The following SLC2A4 variants were observed in gnomAD, a reference collection of about 807,000 sequenced individuals.
SLC2A4 encodes solute carrier family 2 member 4, also known as solute carrier family 2, facilitated glucose transporter member 4.
A neutral mutation model predicts 53.3 loss-of-function variants in SLC2A4; 31 were observed. The observed-to-expected ratio is 0.58, with a 90% CI of 0.44 to 0.78. The LOEUF (loss-of-function observed/expected upper bound fraction) is 0.78. Among genes scored for constraint, SLC2A4 ranks in the 30% least tolerant of loss-of-function variants. SLC2A4 has a pLI of 0.00. For missense variants in SLC2A4, 538 were observed against 655.7 expected, an observed-to-expected ratio of 0.82 and a Z score of 1.96; for synonymous variants, 276 against 281.9, an observed-to-expected ratio of 0.98 and a Z score of 0.21.
chr17:7,281,905 C>T lies in SLC2A4; in HGVS notation c.-30C>T, dbSNP rs2072405024. ...AGGATCGGTTCTTTCATCTTCGCCG[C>T]CCCTGCGCGTCCAGCTCTTCTAAGA... On this transcript the variant is annotated 5_prime_UTR_variant, in exon 1 of 11. Transcript: ENST00000317370. 7 of 1,596,512 alleles carry T rather than the reference C, an allele frequency of 4.4e-6. No individual in the cohort carries two copies. Among genetic ancestry groups the T allele is most frequent in the Non-Finnish European group, 6.0e-6 (7 of 1,171,378 alleles).
At position 7,287,115 on chromosome 17, in the gene SLC2A4, GTT is replaced by G. The variant is rs35240617; in HGVS notation, c.*514_*515del. On this transcript the variant is annotated 3_prime_UTR_variant, in exon 11 of 11. Transcript: ENST00000317370. ...TGCCACGCAGACTCTGGGCAAAGGG[GTT>G]TTTTTTTTTTTTTTTTTTTTTTTTT... is the stretch of plus-strand genomic sequence containing the variant. 0.013 allele frequency: 1,293 copies of G among 97,560 alleles called. 43 individuals carry two copies. Among genetic ancestry groups the G allele is most frequent in the African/African-American group, 0.028 (677 of 23,864 alleles). 6.0% of individuals were successfully genotyped at this position (97,560 alleles called of 1,614,324 possible). A position where few individuals can be genotyped will look rare whatever the true frequency, so the allele number is the denominator to read the frequency against.
At position 7,287,115 on chromosome 17, in the gene SLC2A4, G is replaced by GGT. The variant is rs542749322; in HGVS notation, c.*486_*487insGT. 1.0e-5 allele frequency: 1 copy of GGT among 97,696 alleles called. No homozygotes were observed. The highest frequency in any genetic ancestry group is 4.2e-5 in the African/African-American group (1 of 23,918). The allele number at this position is 97,696 out of a possible 1,614,324, so 6.1% of individuals were successfully genotyped here. ...TGCCACGCAGACTCTGGGCAAAGGG[G>GGT]TTTTTTTTTTTTTTTTTTTTTTTTT... On this transcript the variant is annotated 3_prime_UTR_variant, in exon 11 of 11. Transcript: ENST00000317370.
In SLC2A4 at chr17:7,284,200, C is replaced by G; in HGVS notation, c.565-17C>G. On this transcript the variant is annotated splice_polypyrimidine_tract_variant and intron_variant, in intron 5 of 10. Coordinates refer to ENST00000317370, the MANE Select transcript of SLC2A4 (RefSeq NM_001042.3). This position sits in a 1 kb window ranked among gnomAD's most constrained non-coding sequence, Gnocchi z 7.5. ...AGGGCTGAGTGACCTGCCTTCTTTC[C>G]CAACCTTCTCCCACAGGTGCTGGGC... 6.2e-7 allele frequency: 1 copy of G among 1,611,882 alleles called. No homozygotes were observed. The highest frequency in any genetic ancestry group is 1.3e-5 in the African/African-American group (1 of 75,068).
In SLC2A4 at chr17:7,284,463, G is replaced by C; in HGVS notation, c.728-22G>C. On this transcript the variant is annotated intron_variant, in intron 6 of 10. Coordinates refer to ENST00000317370, the MANE Select transcript of SLC2A4 (RefSeq NM_001042.3). The surrounding 1 kb of genome is among the most constrained non-coding windows in gnomAD (Gnocchi z 7.5). ...CCTGGCTTCCTCTCAGGTCCCCTCA[G>C]GCCTGACCTTCCCTTCTCCAGGTCT... is the stretch of plus-strand genomic sequence containing the variant. 1.2e-6 allele frequency: 2 copies of C among 1,614,232 alleles called. No homozygotes were observed. The highest frequency in any genetic ancestry group is 1.7e-6 in the Non-Finnish European group (2 of 1,180,036).
At position 7,282,042 on chromosome 17, in the gene SLC2A4, T is replaced by G; in HGVS notation, c.33+75T>G. 2 of 1,283,964 alleles carry G rather than the reference T, an allele frequency of 1.6e-6. No individual in the cohort carries two copies. Among genetic ancestry groups the G allele is most frequent in the Non-Finnish European group, 2.2e-6 (2 of 900,930 alleles). 79.5% of individuals were successfully genotyped at this position (1,283,964 alleles called of 1,614,324 possible). ...TCTTGGGCTGGGGTCGCGGTTGGGG[T>G]CAGCTGGGGGTGGTTCCTGCGCAGG... On this transcript the variant is annotated intron_variant, in intron 1 of 10. Coordinates refer to ENST00000317370, the MANE Select transcript of SLC2A4 (RefSeq NM_001042.3). The surrounding 1 kb of genome is among the most constrained non-coding windows in gnomAD (Gnocchi z 4.1).
At position 7,284,036 on chromosome 17, in the gene SLC2A4, G is replaced by T. The variant is rs1356474273; in HGVS notation, c.511G>T (p.Ala171Ser). Residue 171 changes from alanine (A) to serine (S), a missense_variant, in exon 5 of 11, where the codon GCC (alanine) becomes TCC (serine). Ala to Ser is a moderately conservative substitution (Grantham distance 99). Transcript: ENST00000317370. This position sits in a 1 kb window ranked among gnomAD's most constrained non-coding sequence, Gnocchi z 7.5. ...GATTGCTCCCACTCACCTGCGGGGC[G>T]CCCTGGGGACGCTCAACCAACTGGC... ...GEIAPTHLRG[A>S]LGTLNQLAIV... The T allele has an allele frequency of 1.2e-6, 2 of 1,613,840 alleles. No individual in the cohort carries two copies. Among genetic ancestry groups the T allele is most frequent in the Non-Finnish European group, 1.7e-6 (2 of 1,179,956 alleles).
At chr17:7,286,339 A>T in intron 10 of SLC2A4, 87 bp from the exon 11 acceptor site, 1 of 1,090,746 alleles carries the variant, frequency 9.2e-7, no homozygotes, top group Non-Finnish European at 1.4e-6. Flanking sequence ...CCAGCTCCCT[A>T]TGAAGGCCTT....
chr17:7,285,947 G>A lies in SLC2A4; in HGVS notation c.1326+39G>A, dbSNP rs2072446411. 6.3e-7 allele frequency: 1 copy of A among 1,581,778 alleles called. No individual in the cohort carries two copies. The highest frequency in any genetic ancestry group is 1.7e-5 in the Admixed American group (1 of 59,016). On this transcript the variant is annotated intron_variant, in intron 10 of 10. Coordinates refer to ENST00000317370, the MANE Select transcript of SLC2A4 (RefSeq NM_001042.3). The surrounding 1 kb of genome is among the most constrained non-coding windows in gnomAD (Gnocchi z 6.0). ...CCCCAGCCTCCCACACCGTAGGCCA[G>A]AGGTGGGCATCACACAGCTAGCCCA...
At position 7,284,822 on chromosome 17, in the gene SLC2A4, C is replaced by T; in HGVS notation, c.916-13C>T. 1.9e-6 allele frequency: 3 copies of T among 1,614,136 alleles called. No homozygotes were observed. Among genetic ancestry groups the T allele is most frequent in the Non-Finnish European group, 2.5e-6 (3 of 1,179,976 alleles). On this transcript the variant is annotated splice_polypyrimidine_tract_variant and intron_variant, in intron 7 of 10. Coordinates refer to ENST00000317370, the MANE Select transcript of SLC2A4 (RefSeq NM_001042.3). This position sits in a 1 kb window ranked among gnomAD's most constrained non-coding sequence, Gnocchi z 7.5. Reference sequence around the variant, plus strand: ...CATTCCTGCCATCACTTCTTCTTCTCCCCCACCTCTAGGTTTTCTATTATT... The same window carrying T: ...CATTCCTGCCATCACTTCTTCTTCTTCCCCACCTCTAGGTTTTCTATTATT...
At position 7,287,523 on chromosome 17, in the gene SLC2A4, T is replaced by C. The variant is rs977104179; in HGVS notation, c.*894T>C. On this transcript the variant is annotated 3_prime_UTR_variant, in exon 11 of 11. Transcript: ENST00000317370. ...GAGGGAACAGGAAAGTATGTGCCCA[T>C]GTGTGGCAAGATGGAAGGACGGCAG... 1 of 152,314 alleles carries C rather than the reference T, an allele frequency of 6.6e-6. No homozygotes were observed. The highest frequency in any genetic ancestry group is 2.4e-5 in the African/African-American group (1 of 41,542). The allele number at this position is 152,314 out of a possible 1,614,324, so 9.4% of individuals were successfully genotyped here. A position where few individuals can be genotyped will look rare whatever the true frequency, so the allele number is the denominator to read the frequency against.
In SLC2A4 at chr17:7,285,697, G is replaced by A; in HGVS notation, c.1123-8G>A. The A allele has an allele frequency of 1.2e-6, 2 of 1,614,068 alleles. No individual in the cohort carries two copies. The highest frequency in any genetic ancestry group is 2.2e-5 in the East Asian group (1 of 44,884). ...CTGGATTCTCCACCCTCCCTGTCTG[G>A]CCCCTAGGAGCGAGTTCCAGCCATG... On this transcript the variant is annotated splice_region_variant and splice_polypyrimidine_tract_variant and intron_variant, in intron 9 of 10. Transcript: ENST00000317370. The surrounding 1 kb of genome is among the most constrained non-coding windows in gnomAD (Gnocchi z 6.0).
At position 7,282,208 on chromosome 17, in the gene SLC2A4, G is replaced by A. The variant is rs2072408274; in HGVS notation, c.33+241G>A. On this transcript the variant is annotated intron_variant, in intron 1 of 10. Transcript: ENST00000317370. The surrounding 1 kb of genome is among the most constrained non-coding windows in gnomAD (Gnocchi z 4.1). ...GGCAGCAAGTGGATTCTGCGAGCCA[G>A]GGTTCACCCCCTTGCCTAGTAGGCG... The A allele has an allele frequency of 3.2e-6, 2 of 622,652 alleles. No individual in the cohort carries two copies. The highest frequency in any genetic ancestry group is 5.9e-6 in the Non-Finnish European group (2 of 340,598). 38.6% of individuals were successfully genotyped at this position (622,652 alleles called of 1,614,324 possible).
rs1295869344 is a variant in SLC2A4, at chr17:7,283,516, G to A, written c.194G>A (p.Gly65Glu). 6.2e-7 allele frequency: 1 copy of A among 1,613,808 alleles called. No individual in the cohort carries two copies. The highest frequency in any genetic ancestry group is 1.3e-5 in the African/African-American group (1 of 74,866). The change falls in exon 3 of 11, where the codon GGG (glycine) becomes GAG (glutamate). Residue 65 changes from glycine to glutamate, a missense_variant. By Grantham distance (98) the Gly-to-Glu change is moderately conservative. Coordinates refer to ENST00000317370, the MANE Select transcript of SLC2A4 (RefSeq NM_001042.3). This position sits in a 1 kb window ranked among gnomAD's most constrained non-coding sequence, Gnocchi z 5.8. Reference protein sequence around the residue: ...SYNETWLGRQGPEGPSSIPPG... With the variant: ...SYNETWLGRQEPEGPSSIPPG... ...AATGAGACGTGGCTGGGGAGGCAGGGGCCTGAGGGACCCAGCTCCATCCCT... is the reference window on the plus strand; with the variant it reads ...AATGAGACGTGGCTGGGGAGGCAGGAGCCTGAGGGACCCAGCTCCATCCCT...
rs142128414 is a variant in SLC2A4 at position 7,285,472 on chromosome 17, G to T, written c.1123-233G>T. On this transcript the variant is annotated intron_variant, in intron 9 of 10. Coordinates refer to ENST00000317370, the MANE Select transcript of SLC2A4 (RefSeq NM_001042.3). This position sits in a 1 kb window ranked among gnomAD's most constrained non-coding sequence, Gnocchi z 6.0. ...AATCATTCCTAAGGACCCAGCTTTAGAGTCCAGGGAGAGCTGACCGTCATA... is the reference window on the plus strand; with the variant it reads ...AATCATTCCTAAGGACCCAGCTTTATAGTCCAGGGAGAGCTGACCGTCATA... 7.3e-4 allele frequency among the ~76,000 whole-genome samples: 111 copies of T among 152,296 alleles called. No homozygotes were observed. Among genetic ancestry groups the T allele is most frequent in the African/African-American group, 2.6e-3 (110 of 41,570 alleles).
rs1276148484 is a variant in SLC2A4, at chr17:7,286,810, G to A, written c.*181G>A. 4.7e-6 allele frequency: 3 copies of A among 637,364 alleles called. No homozygotes were observed. The highest frequency in any genetic ancestry group is 8.3e-6 in the Non-Finnish European group (3 of 360,014). The allele number at this position is 637,364 out of a possible 1,614,324, so 39.5% of individuals were successfully genotyped here. On this transcript the variant is annotated 3_prime_UTR_variant, in exon 11 of 11. Coordinates refer to ENST00000317370, the MANE Select transcript of SLC2A4 (RefSeq NM_001042.3). Reference sequence around the variant, plus strand: ...CTGAGCACCCCCTCATTCCCCTCGTGTGACTCTCTTGGATTATTTATGTGT... The same window carrying A: ...CTGAGCACCCCCTCATTCCCCTCGTATGACTCTCTTGGATTATTTATGTGT...
Position 7,282,002 on chromosome 17 carries a change from C to G in SLC2A4, c.33+35C>G. 6.9e-7 allele frequency: 1 copy of G among 1,459,840 alleles called. No homozygotes were observed. 90.4% of individuals were successfully genotyped at this position (1,459,840 alleles called of 1,614,324 possible). ...ATCATGAGGGGGCGGGGCGGGGGGG[C>G]ACGGGTCCCGCTTTTCTTGGGCTGG... On this transcript the variant is annotated intron_variant, in intron 1 of 10. Transcript: ENST00000317370. This position sits in a 1 kb window ranked among gnomAD's most constrained non-coding sequence, Gnocchi z 4.1.
At chr17:7,286,340 T>A (rs866550947) in intron 10 of SLC2A4, 86 bp from the exon 11 acceptor site, 8 of 1,102,860 alleles carry the variant, frequency 7.3e-6, no homozygotes, top group Non-Finnish European at 9.8e-6. Flanking sequence ...CAGCTCCCTA[T>A]GAAGGCCTTT....
At chr17:7,286,405 C>A in intron 10 of SLC2A4, 21 bp from the exon 11 acceptor site, 1 of 1,610,656 alleles carries the variant, frequency 6.2e-7, no homozygotes, top group Non-Finnish European at 8.5e-7. Flanking sequence ...CCGTCAACAC[C>A]TCTTTCTCCA....
Position 7,283,284 on chromosome 17 carries a change from G to T in SLC2A4, c.73G>T (p.Val25Phe), listed in dbSNP as rs143506382. ...TCAGCAGCGAGTGACTGGGACCCTG[G>T]TCCTTGCTGTGTTCTCTGCGGTGCT... The part of the protein sequence containing the change: ...PPQQRVTGTL[V>F]LAVFSAVLGS... The change falls in exon 2 of 11, where the codon GTC (valine) becomes TTC (phenylalanine). Residue 25 changes from valine (V) to phenylalanine (F), a missense_variant. Physicochemically the swap from Val to Phe is conservative, Grantham distance 50 (BLOSUM62 -1). Transcript: ENST00000317370. The surrounding 1 kb of genome is among the most constrained non-coding windows in gnomAD (Gnocchi z 5.8). The T allele has an allele frequency of 2.4e-4, 383 of 1,614,194 alleles. 2 individuals carry two copies. Among genetic ancestry groups the T allele is most frequent in the East Asian group, 9.6e-4 (43 of 44,882 alleles).
Sources: gnomAD v4.1 joint callset for allele counts (sites outside exome capture counted in the v4.1 genomes callset) on GRCh38, gnomAD v4.1.1 for gene constraint, Gnocchi (gnomAD v3.1) non-coding constraint, MANE v1.5 for transcripts, NCBI Gene and HGNC (gene_info 2026-07-23, HGNC 2026-07-21) for gene names.